Variants in FAR1 observed in about 807,000 individuals in gnomAD.
FAR1 encodes fatty acyl-CoA reductase 1, also known as male sterility domain-containing protein 2.
Under a neutral mutation model 61.1 loss-of-function variants are expected in FAR1, and 22 were observed. The ratio of observed to expected loss-of-function variants is 0.36; its 90% CI spans 0.26 to 0.51. The LOEUF is 0.51. Among genes scored for constraint, FAR1 ranks in the 20% least tolerant of loss-of-function variants. FAR1 has a pLI of 0.95. For synonymous variants in FAR1, 206 were observed against 209.7 expected, an observed-to-expected ratio of 0.98 and a Z score of 0.15; for missense variants, 359 against 626.9, an observed-to-expected ratio of 0.57 and a Z score of 4.56.
At chr11:13,699,609 G>T (rs1200526000) in intron 2 of FAR1, among the ~76,000 whole-genome samples, 1 of 151,996 alleles carries the variant, frequency 6.6e-6, no homozygotes, top group Admixed American at 6.5e-5. Context: ...GTCAAATCTG[G>T]GATAAAAAGT....
intron 1 of FAR1, among the ~76,000 whole-genome samples, chr11:13,691,607 A>G (rs957391541): frequency 2.6e-5 from 4 of 152,218 alleles, no homozygotes; most frequent in African/African-American, 9.6e-5. Flanking sequence ...GATATTTCAT[A>G]TGAAAGGAAT....
At chr11:13,668,946 C>G (rs1388796386) in intron 1 of FAR1, 140 bp downstream of exon 1, 3 of 152,308 alleles carry the variant, frequency 2.0e-5, no homozygotes, top group African/African-American at 7.2e-5. Flanking sequence ...CGCCCCCGCC[C>G]GGGTACGCCC....
At chr11:13,675,781 A>G (rs887790152) in intron 1 of FAR1, among the ~76,000 whole-genome samples, 2 of 152,196 alleles carry the variant, frequency 1.3e-5, no homozygotes, top group Non-Finnish European at 2.9e-5. Flanking sequence ...TTATTTTGAA[A>G]TATCTAGTTT....
At chr11:13,711,568 T>C (rs1307847999) in intron 5 of FAR1, among the ~76,000 whole-genome samples, 196 bp from the exon 6 acceptor site, 1 of 152,142 alleles carries the variant, frequency 6.6e-6, no homozygotes, top group Non-Finnish European at 1.5e-5. Flanking sequence ...ATGATTTTAC[T>C]CAATTATTTT....
chr11:13,682,243 A>G (rs747841588), intron 1 of FAR1, among the ~76,000 whole-genome samples: 8 of 152,232 alleles, frequency 5.3e-5, no homozygotes, highest in Admixed American at 2.0e-4. Flanking sequence ...TAACAATAGT[A>G]GTAGTGAAAT....
chr11:13,696,909 G>T (rs1848312235), intron 2 of FAR1, among the ~76,000 whole-genome samples: 2 of 152,188 alleles, frequency 1.3e-5, no homozygotes, highest in South Asian at 4.1e-4. Context: ...ATGGGACATT[G>T]ACTTATAGCA....
intron 1 of FAR1, among the ~76,000 whole-genome samples, chr11:13,671,584 T>G (rs1373160116): frequency 6.6e-6 from 1 of 152,206 alleles, no homozygotes; most frequent in African/African-American, 2.4e-5. Flanking sequence ...CATTTTTGAG[T>G]CCTGTGCTAG....
At chr11:13,715,683 TTTC>T (rs1231852665) in intron 9 of FAR1, 5 of 152,204 alleles carry the variant, frequency 3.3e-5, no homozygotes, top group African/African-American at 4.8e-5. Context: ...ATAGCTTTTC[TTTC>T]TTTTTTTTGT....
chr11:13,722,483 C>CT (rs1014355829), intron 10 of FAR1, among the ~76,000 whole-genome samples: 176 of 148,138 alleles, frequency 1.2e-3, no homozygotes, highest in African/African-American at 3.3e-3. Flanking sequence ...TTTTCTTTTT[C>CT]TTTTTTTTTG....
chr11:13,702,925 T>C (rs1848392761), intron 3 of FAR1, among the ~76,000 whole-genome samples: 1 of 152,206 alleles, frequency 6.6e-6, no homozygotes, highest in African/African-American at 2.4e-5. Flanking sequence ...CTTCTCGTTA[T>C]TATTTTCTTC....
intron 11 of FAR1, 53 bp from the exon 12 acceptor site, chr11:13,728,559 A>G (rs1848689818): frequency 2.0e-6 from 3 of 1,514,254 alleles, no homozygotes; most frequent in African/African-American, 2.8e-5. Context: ...GCCATCTAAC[A>G]ATATTTTTTT....
chr11:13,707,876 T>G, intron 3 of FAR1, 24 bp from the exon 4 acceptor site: 1 of 1,460,470 alleles, frequency 6.8e-7, no homozygotes, highest in South Asian at 1.5e-5. Context: ...CAATTTTCTA[T>G]TGTCACTTTT....
chr11:13,711,393 G>A (rs950937419), intron 5 of FAR1, among the ~76,000 whole-genome samples: 1 of 152,074 alleles, frequency 6.6e-6, no homozygotes, highest in Admixed American at 6.6e-5. Context: ...TAATTTTGAG[G>A]AGGATTTACC....
intron 1 of FAR1, among the ~76,000 whole-genome samples, chr11:13,689,325 T>C (rs1243116448): frequency 6.6e-6 from 1 of 152,172 alleles, no homozygotes; most frequent in Non-Finnish European, 1.5e-5. Context: ...GGTCACTCCC[T>C]CTTCTTCCCT....
chr11:13,681,039 A>G (rs1186923937), intron 1 of FAR1, among the ~76,000 whole-genome samples: 2 of 152,068 alleles, frequency 1.3e-5, no homozygotes, highest in Non-Finnish European at 2.9e-5. Flanking sequence ...AGGTGTGTCA[A>G]CTCCAGATGG....
rs747837539 is a variant in FAR1, at chr11:13,723,387, CA to C, written c.1257+1537del. Reference sequence around the variant, plus strand: ...CAAAAAAAAAAAAAAAAAAAAACCCCAAAAAAAAACTTTTTTATTTATATTC... The same window carrying C: ...CAAAAAAAAAAAAAAAAAAAAACCCCAAAAAAAACTTTTTTATTTATATTC... On this transcript the variant is annotated intron_variant, in intron 10 of 11. Coordinates refer to ENST00000354817, the MANE Select transcript of FAR1 (RefSeq NM_032228.6). 8.7e-3 allele frequency: 3,380 copies of C among 389,594 alleles called. 20 individuals carry two copies. Among genetic ancestry groups the C allele is most frequent in the African/African-American group, 0.012 (549 of 45,070 alleles). 24.1% of individuals were successfully genotyped at this position (389,594 alleles called of 1,614,324 possible). A position where few individuals can be genotyped will look rare whatever the true frequency, so the allele number is the denominator to read the frequency against.
At chr11:13,679,412 G>A (rs1848101623) in intron 1 of FAR1, among the ~76,000 whole-genome samples, 2 of 152,102 alleles carry the variant, frequency 1.3e-5, no homozygotes, top group African/African-American at 2.4e-5. Flanking sequence ...GTTTTTGCAA[G>A]CAGCAGACTG....
rs1015241138 is a variant in FAR1 at position 13,721,648 on chromosome 11, G to A, written c.1128-82G>A. ...TTAATACTAATGTCTATATTATAGGGGGAAACTTGCACCCTGGGTGGTGAT... is the reference window on the plus strand; with the variant it reads ...TTAATACTAATGTCTATATTATAGGAGGAAACTTGCACCCTGGGTGGTGAT... On this transcript the variant is annotated intron_variant, in intron 9 of 11. Coordinates refer to ENST00000354817, the MANE Select transcript of FAR1 (RefSeq NM_032228.6). This position sits in a 1 kb window ranked among gnomAD's most constrained non-coding sequence, Gnocchi z 4.2. 12 of 1,116,264 alleles carry A rather than the reference G, an allele frequency of 1.1e-5. No individual in the cohort carries two copies. In the African/African-American group the frequency reaches 1.3e-4, roughly 12 times the overall value. 69.1% of individuals were successfully genotyped at this position (1,116,264 alleles called of 1,614,324 possible). A position where few individuals can be genotyped will look rare whatever the true frequency, so the allele number is the denominator to read the frequency against.
intron 9 of FAR1, among the ~76,000 whole-genome samples, chr11:13,719,715 CAG>C (rs541074666): frequency 1.9e-4 from 29 of 152,228 alleles, no homozygotes; most frequent in Admixed American, 8.5e-4. Context: ...GTTATCACAA[CAG>C]GGGGAGGGCT....
Sources: gnomAD v4.1 joint callset for allele counts (sites outside exome capture counted in the v4.1 genomes callset) on GRCh38, gnomAD v4.1.1 for gene constraint, Gnocchi (gnomAD v3.1) non-coding constraint, MANE v1.5 for transcripts, NCBI Gene and HGNC (gene_info 2026-07-23, HGNC 2026-07-21) for gene names.